The following CNTN4 variants were observed in gnomAD, a reference collection of about 807,000 sequenced individuals.
CNTN4 encodes the protein contactin 4.
A neutral mutation model predicts 122.5 loss-of-function variants in CNTN4; 77 were observed. That is an observed-to-expected ratio of 0.63 (90% CI 0.52 to 0.76). The LOEUF is 0.76. Among genes scored for constraint, CNTN4 ranks in the 30% least tolerant of loss-of-function variants. CNTN4 has a pLI of 0.00. For synonymous variants in CNTN4, 512 were observed against 447.0 expected (o/e 1.15, Z -1.83); for missense variants, 1,256 against 1,259.1 (o/e 1.00, Z 0.04).
intron 6 of CNTN4, among the ~76,000 whole-genome samples, chr3:2,754,855 T>C (rs940001002): frequency 1.3e-5 from 2 of 152,148 alleles, no homozygotes; most frequent in East Asian, 1.9e-4. Flanking sequence ...GTGGCAAACA[T>C]TTTTTATGGT....
intron 3 of CNTN4, among the ~76,000 whole-genome samples, chr3:2,557,799 C>T (rs905275992): frequency 4.0e-5 from 6 of 151,036 alleles, no homozygotes; most frequent in Non-Finnish European, 7.4e-5. Flanking sequence ...TTCATACCTA[C>T]GTTTGACCGT....
intron 2 of CNTN4, among the ~76,000 whole-genome samples, chr3:2,242,513 A>T (rs1192410747): frequency 6.6e-6 from 1 of 152,154 alleles, no homozygotes; most frequent in Non-Finnish European, 1.5e-5. Context: ...TGTGAAGCAG[A>T]GACACTTTTT....
intron 15 of CNTN4, among the ~76,000 whole-genome samples, chr3:3,026,481 A>G (rs574941028): frequency 3.9e-5 from 6 of 152,272 alleles, no homozygotes; most frequent in African/African-American, 7.2e-5. Flanking sequence ...ACTGGCACCA[A>G]TCCTACAGGT....
In CNTN4 at chr3:2,550,797, G is replaced by A. The variant is rs2078468025; in HGVS notation, c.-88-20619G>A. ...AAAAAAGGATGAGCGTATGTCCTTT[G>A]CAGGGACATGGATGAAGCTGGAAAC... On this transcript the variant is annotated intron_variant, in intron 3 of 24. Coordinates refer to ENST00000418658, the MANE Select transcript of CNTN4 (RefSeq NM_175607.3). 2.0e-5 allele frequency among the ~76,000 whole-genome samples: 3 copies of A among 152,274 alleles called. No individual in the cohort carries two copies. In the South Asian group the frequency reaches 6.2e-4, roughly 32 times the overall value.
chr3:2,386,829 C>G (rs1266719789), intron 3 of CNTN4, among the ~76,000 whole-genome samples: 2 of 152,034 alleles, frequency 1.3e-5, no homozygotes, highest in Admixed American at 1.3e-4. Context: ...TTGAGAAATG[C>G]AAAAATTTAA....
chr3:2,517,747 T>C (rs2077081237), intron 3 of CNTN4, among the ~76,000 whole-genome samples: 1 of 152,194 alleles, frequency 6.6e-6, no homozygotes, highest in Non-Finnish European at 1.5e-5. Context: ...ATTCATTGTA[T>C]ATGTGTGTGC....
chr3:2,647,205 A>AC (rs1470084806), intron 4 of CNTN4, among the ~76,000 whole-genome samples: 2 of 151,896 alleles, frequency 1.3e-5, no homozygotes, highest in Non-Finnish European at 1.5e-5. Context: ...ACATGGTGAG[A>AC]CCCCGTCCCT....
intron 3 of CNTN4, among the ~76,000 whole-genome samples, chr3:2,368,056 G>A (rs1449335850): frequency 1.5e-5 from 2 of 137,014 alleles, no homozygotes; most frequent in East Asian, 2.2e-4. Context: ...TTTTTGAGGT[G>A]GAGTGTCGCT....
intron 2 of CNTN4, among the ~76,000 whole-genome samples, chr3:2,217,010 A>C (rs1327108027): frequency 1.3e-5 from 2 of 152,152 alleles, no homozygotes; most frequent in Admixed American, 6.5e-5. Context: ...TTGGCCCCAC[A>C]TTCTGAAAAG....
At chr3:2,834,889 A>G (rs1372667715) in intron 7 of CNTN4, among the ~76,000 whole-genome samples, 1 of 113,938 alleles carries the variant, frequency 8.8e-6, no homozygotes, top group Non-Finnish European at 1.8e-5. Flanking sequence ...TAAATTAGAT[A>G]AAGGCAACCT....
Position 2,340,711 on chromosome 3 carries a change from A to AGAGAGAGAGAGAGGGAGG in CNTN4, c.-89+1491_-89+1492insGGAGGGAGAGAGAGAGAG, listed in dbSNP as rs1553627573. On this transcript the variant is annotated intron_variant, in intron 3 of 24. Coordinates refer to ENST00000418658, the MANE Select transcript of CNTN4 (RefSeq NM_175607.3). ...TATATATATATATATATATATATAT[A>AGAGAGAGAGAGAGGGAGG]GAGAGAGAGAGAGAGAGAGAGAGAG... Among the ~76,000 whole-genome samples the AGAGAGAGAGAGAGGGAGG allele has an allele frequency of 3.3e-3, 162 of 49,450 alleles. 2 individuals are homozygous for AGAGAGAGAGAGAGGGAGG. The highest frequency in any genetic ancestry group is 8.4e-3 in the African/African-American group (118 of 14,002). 32.4% of individuals were successfully genotyped at this position (49,450 alleles called of 152,430 possible).
At chr3:2,478,272 C>T (rs11129155) in intron 3 of CNTN4, among the ~76,000 whole-genome samples, 28,446 of 151,976 alleles carry the variant, frequency 0.19, 3,298 homozygotes, top group Non-Finnish European at 0.26. Flanking sequence ...ATCCAAGGAT[C>T]GAGGGCTAGA....
intron 12 of CNTN4, among the ~76,000 whole-genome samples, chr3:2,916,773 G>GA: frequency 6.8e-6 from 1 of 147,612 alleles, no homozygotes; most frequent in East Asian, 2.0e-4. Flanking sequence ...CCCAGTAGGG[G>GA]CGGCCGGGCA....
At chr3:2,383,318 T>A (rs1479613654) in intron 3 of CNTN4, among the ~76,000 whole-genome samples, 3 of 152,186 alleles carry the variant, frequency 2.0e-5, no homozygotes, top group Non-Finnish European at 2.9e-5. Flanking sequence ...TCTACAGTAA[T>A]GAGTAACCAT....
chr3:2,846,159 A>G (rs553474043), intron 7 of CNTN4, among the ~76,000 whole-genome samples: 154 of 152,304 alleles, frequency 1.0e-3, no homozygotes, highest in African/African-American at 3.5e-3. Flanking sequence ...TTTTCAACCC[A>G]GTTGATATGA....
intron 6 of CNTN4, among the ~76,000 whole-genome samples, chr3:2,794,084 C>T (rs949380941): frequency 6.6e-6 from 1 of 152,134 alleles, no homozygotes; most frequent in African/African-American, 2.4e-5. Flanking sequence ...TTCACCATAT[C>T]TGTTAGGCAT....
intron 20 of CNTN4, among the ~76,000 whole-genome samples, chr3:3,041,649 T>G (rs889251479): frequency 6.6e-6 from 1 of 152,222 alleles, no homozygotes. Flanking sequence ...CACATTTTTC[T>G]TTCAATAGTC....
chr3:2,981,707 G>A (rs1415824735), intron 13 of CNTN4, among the ~76,000 whole-genome samples: 1 of 152,100 alleles, frequency 6.6e-6, no homozygotes, highest in Non-Finnish European at 1.5e-5. Flanking sequence ...TGTACCCCAA[G>A]GCCGAATGCT....
intron 3 of CNTN4, among the ~76,000 whole-genome samples, chr3:2,412,442 G>A (rs778163473): frequency 2.6e-5 from 4 of 152,002 alleles, no homozygotes; most frequent in Non-Finnish European, 2.9e-5. Context: ...TATTGGAGAC[G>A]GGGTTTCACT....
Sources: allele counts gnomAD v4.1 joint callset (sites outside exome capture counted in the v4.1 genomes callset), GRCh38; gene constraint gnomAD v4.1.1; transcripts MANE v1.5; gene names NCBI Gene and HGNC (gene_info 2026-07-23, HGNC 2026-07-21).